The following RABEP1 variants were observed in gnomAD, a reference collection of about 807,000 sequenced individuals.
The protein encoded by RABEP1 is rabaptin, RAB GTPase binding effector protein 1.
In RABEP1, 51 loss-of-function variants were observed where a neutral mutation model predicts 123.4. The observed-to-expected ratio is 0.41, with a 90% confidence interval of 0.33 to 0.52. RABEP1 has a LOEUF of 0.52. Among genes scored for constraint, RABEP1 ranks in the 20% least tolerant of loss-of-function variants. The probability of loss-of-function intolerance (pLI) is 0.16; values close to 1 mark genes in which losing one functional copy is unlikely to be tolerated. For synonymous variants in RABEP1, 347 were observed against 355.2 expected (o/e 0.98, Z 0.26); for missense variants, 888 against 996.3 (o/e 0.89, Z 1.46).
chr17:5,365,063 A>T (rs1018166626), intron 10 of RABEP1, 59 bp from the exon 11 acceptor site: 48 of 324,116 alleles, frequency 1.5e-4, no homozygotes, highest in African/African-American at 3.1e-4. Context: ...GTTAGATTTA[A>T]AAAAAAAAAA....
At chr17:5,313,434 TG>T (rs1040572760) in intron 2 of RABEP1, among the ~76,000 whole-genome samples, 2 of 152,248 alleles carry the variant, frequency 1.3e-5, no homozygotes, top group African/African-American at 4.8e-5. Context: ...TTGTTTGTTT[TG>T]CTTTCTTTTT....
In RABEP1 at chr17:5,365,190, G is replaced by A; in HGVS notation, c.1737G>A (p.Gln579=). Residue 579 remains glutamine, a synonymous_variant, in exon 11 of 18, where the codon CAG becomes CAA. Transcript: ENST00000537505. ...DQLEKTMKDK[Q]ELEDFIKQSS... ...TAGAGAAGACAATGAAAGATAAGCA[G>A]GAGCTGGAAGACTTCATAAAGCAAA... The A allele has an allele frequency of 6.2e-7, 1 of 1,611,812 alleles. No homozygotes were observed. The highest frequency in any genetic ancestry group is 2.2e-5 in the East Asian group (1 of 44,708).
chr17:5,310,179 A>G (rs1271079847), intron 2 of RABEP1, among the ~76,000 whole-genome samples: 8 of 152,196 alleles, frequency 5.3e-5, no homozygotes, highest in African/African-American at 1.7e-4. Context: ...ACTCTGTAAA[A>G]TATATACTTA....
At chr17:5,301,443 G>T (rs1261194490) in intron 1 of RABEP1, among the ~76,000 whole-genome samples, 1 of 152,086 alleles carries the variant, frequency 6.6e-6, no homozygotes, top group Non-Finnish European at 1.5e-5. Context: ...AGGATTGATA[G>T]ACAGCCATGG....
intron 11 of RABEP1, among the ~76,000 whole-genome samples, chr17:5,365,837 G>A (rs8081520): frequency 0.3 from 45,765 of 152,062 alleles, 7,590 homozygotes; most frequent in African/African-American, 0.45. Flanking sequence ...ATTCCTACTC[G>A]TGATGCACGG....
intron 1 of RABEP1, among the ~76,000 whole-genome samples, chr17:5,301,893 A>G (rs1346877126): frequency 6.6e-6 from 1 of 152,194 alleles, no homozygotes; most frequent in Non-Finnish European, 1.5e-5. Context: ...GTTGGATTAC[A>G]TTAATCTTAT....
At chr17:5,338,198 C>A in intron 5 of RABEP1, 60 bp downstream of exon 5, 1 of 1,511,774 alleles carries the variant, frequency 6.6e-7, no homozygotes, top group Non-Finnish European at 9.0e-7. Flanking sequence ...ATGCCATGAA[C>A]AAAATTAGAA....
chr17:5,292,475 C>T (rs905273092), intron 1 of RABEP1, among the ~76,000 whole-genome samples: 1 of 152,046 alleles, frequency 6.6e-6, no homozygotes, highest in Non-Finnish European at 1.5e-5. Flanking sequence ...GCTACCTCCA[C>T]CTCCTGGGTT....
At chr17:5,293,551 C>G (rs536437563) in intron 1 of RABEP1, among the ~76,000 whole-genome samples, 1 of 152,226 alleles carries the variant, frequency 6.6e-6, no homozygotes, top group South Asian at 2.1e-4. Flanking sequence ...GCCCTATAGG[C>G]ACATGCCACC....
intron 2 of RABEP1, among the ~76,000 whole-genome samples, chr17:5,318,473 GGA>G (rs1361320980): frequency 6.6e-6 from 1 of 152,090 alleles, no homozygotes; most frequent in East Asian, 1.9e-4. Context: ...AAATGAAAGA[GGA>G]GACTGTACTC....
intron 12 of RABEP1, among the ~76,000 whole-genome samples, chr17:5,369,080 G>A (rs1430359462): frequency 6.6e-6 from 1 of 151,998 alleles, no homozygotes; most frequent in Non-Finnish European, 1.5e-5. Context: ...CTGCACTCCA[G>A]CCTGGGTGAC....
At chr17:5,369,413 G>A (rs55910656) in intron 12 of RABEP1, among the ~76,000 whole-genome samples, 10,070 of 152,144 alleles carry the variant, frequency 0.066, 489 homozygotes, top group Non-Finnish European at 0.091. Flanking sequence ...ATGCTTACCC[G>A]GGGATGACAG....
chr17:5,344,795 A>AAAG (rs1907928808), intron 5 of RABEP1, among the ~76,000 whole-genome samples: 1 of 148,688 alleles, frequency 6.7e-6, no homozygotes, highest in African/African-American at 2.5e-5. Flanking sequence ...AAAAAAAAAA[A>AAAG]GGAAAAACAG....
In RABEP1 at chr17:5,310,301, C is replaced by CTTTTTTTTTTTTTTTTTTTTTTTTTT. The variant is rs11432831; in HGVS notation, c.163+1497_163+1498insTTTTTTTTTTTTTTTTTTTTTTTTTT. Among the ~76,000 whole-genome samples, 26 of 126,438 alleles carry CTTTTTTTTTTTTTTTTTTTTTTTTTT rather than the reference C, an allele frequency of 2.1e-4. 2 individuals carry two copies. Among genetic ancestry groups the CTTTTTTTTTTTTTTTTTTTTTTTTTT allele is most frequent in the African/African-American group, 2.1e-4 (7 of 32,770 alleles). 82.9% of individuals were successfully genotyped at this position (126,438 alleles called of 152,430 possible). A position where few individuals can be genotyped will look rare whatever the true frequency, so the allele number is the denominator to read the frequency against. ...TTACAATTTAAATGAAAGCTTCGTC[C>CTTTTTTTTTTTTTTTTTTTTTTTTTT]TTTTTTTTTTTTTTTTTTGAGATGG... On this transcript the variant is annotated intron_variant, in intron 2 of 17. Coordinates refer to ENST00000537505, the MANE Select transcript of RABEP1 (RefSeq NM_004703.6).
intron 1 of RABEP1, among the ~76,000 whole-genome samples, chr17:5,293,185 G>A (rs1440192175): frequency 6.6e-6 from 1 of 152,038 alleles, no homozygotes; most frequent in Non-Finnish European, 1.5e-5. Context: ...TACTTGGGAG[G>A]GTGAGGCACG....
chr17:5,366,564 G>A (rs1910011329), intron 11 of RABEP1, among the ~76,000 whole-genome samples: 1 of 151,966 alleles, frequency 6.6e-6, no homozygotes, highest in Non-Finnish European at 1.5e-5. Context: ...TCCTGCCTCA[G>A]CCTCCTGAGT....
intron 6 of RABEP1, among the ~76,000 whole-genome samples, chr17:5,349,565 A>G (rs1204742167): frequency 1.3e-5 from 2 of 152,228 alleles, no homozygotes; most frequent in Non-Finnish European, 2.9e-5. Flanking sequence ...AGAAGTCTAT[A>G]TTAACCGGAC....
intron 1 of RABEP1, among the ~76,000 whole-genome samples, chr17:5,299,662 A>C (rs1597332596): frequency 7.4e-6 from 1 of 135,198 alleles, no homozygotes; most frequent in Non-Finnish European, 1.6e-5. Context: ...TTTGTTTCTC[A>C]TTTACAGGGC....
At chr17:5,344,294 C>T (rs780590583) in intron 5 of RABEP1, among the ~76,000 whole-genome samples, 5 of 150,204 alleles carry the variant, frequency 3.3e-5, no homozygotes, top group African/African-American at 9.9e-5. Flanking sequence ...AAAAATTAGC[C>T]GGGCATGGTG....
Sources: allele counts gnomAD v4.1 joint callset (sites outside exome capture counted in the v4.1 genomes callset), GRCh38; gene constraint gnomAD v4.1.1; transcripts MANE v1.5; gene names NCBI Gene and HGNC (gene_info 2026-07-23, HGNC 2026-07-21).